The following SAFB variants were observed in gnomAD, a reference collection of about 807,000 sequenced individuals.
SAFB encodes the protein scaffold attachment factor B1.
Under a neutral mutation model 101.6 loss-of-function variants are expected in SAFB, and 15 were observed. The ratio of observed to expected loss-of-function variants is 0.15; its 90% confidence interval spans 0.10 to 0.23. The LOEUF (loss-of-function observed/expected upper bound fraction) is 0.23. SAFB is among the 10% of genes least tolerant of loss of function. SAFB has a pLI of 1.00. For synonymous variants in SAFB, 449 were observed against 407.5 expected, an observed-to-expected ratio of 1.10 and a Z score of -1.23; for missense variants, 930 against 1,104.1, an observed-to-expected ratio of 0.84 and a Z score of 2.23.
At chr19:5,645,871 T>TTTTG (rs2053817825) in intron 5 of SAFB, among the ~76,000 whole-genome samples, 1 of 150,418 alleles carries the variant, frequency 6.6e-6, no homozygotes, top group Non-Finnish European at 1.5e-5. Flanking sequence ...GGGAAGTTTT[T>TTTTG]TTTGTTTTGT....
chr19:5,666,985 C>A, intron 17 of SAFB, 61 bp from the exon 18 acceptor site: 1 of 1,022,218 alleles, frequency 9.8e-7, no homozygotes, highest in Non-Finnish European at 1.6e-6. Context: ...GCCTGAAAAG[C>A]CTTGGGGTCT....
At chr19:5,661,938 G>A in intron 15 of SAFB, 130 bp downstream of exon 15, 1 of 705,302 alleles carries the variant, frequency 1.4e-6, no homozygotes, top group Non-Finnish European at 2.3e-6. Flanking sequence ...AGGCTGGAGT[G>A]CAGTGACCCG....
intron 4 of SAFB, 138 bp from the exon 5 acceptor site, chr19:5,645,199 G>A: frequency 1.8e-6 from 1 of 543,392 alleles, no homozygotes; most frequent in Non-Finnish European, 3.3e-6. Flanking sequence ...TACTATAATA[G>A]TGTTTTGATT....
rs1466226999 is a variant in SAFB, at chr19:5,660,473, C to G, written c.1863-1045C>G. 2.0e-5 allele frequency among the ~76,000 whole-genome samples: 3 copies of G among 149,772 alleles called. No homozygotes were observed. In the Admixed American group the frequency reaches 2.0e-4, roughly 10 times the overall value. On this transcript the variant is annotated intron_variant, in intron 14 of 20. Transcript: ENST00000588852. ...TTTCAAGTGATTGATCCTCCCACCTCTGCCTCCCAAGTAGCTACCACGCCT... is the reference window on the plus strand; with the variant it reads ...TTTCAAGTGATTGATCCTCCCACCTGTGCCTCCCAAGTAGCTACCACGCCT...
chr19:5,636,762 G>A (rs1465104472), intron 2 of SAFB, among the ~76,000 whole-genome samples: 1 of 151,850 alleles, frequency 6.6e-6, no homozygotes, highest in Non-Finnish European at 1.5e-5. Context: ...CAGGCTGAGT[G>A]CAGTGGCACA....
intron 2 of SAFB, among the ~76,000 whole-genome samples, chr19:5,639,523 T>G (rs974352144): frequency 6.6e-6 from 1 of 151,768 alleles, no homozygotes; most frequent in African/African-American, 2.4e-5. Context: ...TGAAACCCCA[T>G]CTCTACTAAA....
At chr19:5,646,855 A>G (rs1172627228) in intron 5 of SAFB, among the ~76,000 whole-genome samples, 1 of 152,196 alleles carries the variant, frequency 6.6e-6, no homozygotes, top group Non-Finnish European at 1.5e-5. Flanking sequence ...CTGATGGTTA[A>G]CAGTGCAGAC....
chr19:5,627,727 G>A (rs1220412988), intron 2 of SAFB, among the ~76,000 whole-genome samples: 1 of 152,002 alleles, frequency 6.6e-6, no homozygotes, highest in Non-Finnish European at 1.5e-5. Flanking sequence ...CCATCTGTCT[G>A]CCTTAGAGAC....
intron 13 of SAFB, among the ~76,000 whole-genome samples, chr19:5,656,834 G>C (rs1042436314): frequency 2.0e-5 from 3 of 151,814 alleles, no homozygotes; most frequent in South Asian, 2.1e-4. Flanking sequence ...CGAGTGGCTC[G>C]ATCTTGGCTC....
chr19:5,641,903 A>T lies in SAFB; in HGVS notation c.503A>T (p.Glu168Val). Residue 168 changes from glutamate to valine, a missense_variant, in exon 4 of 21, where the codon GAG (glutamate) becomes GTG (valine). Coordinates refer to ENST00000588852, the MANE Select transcript of SAFB (RefSeq NM_001201338.2). Reference sequence around the variant, plus strand: ...CTGTCGGATAGTAGAGAGCTAGTCGAGGGGGAAATGAAAGAGCTTCCGGAG... The same window carrying T: ...CTGTCGGATAGTAGAGAGCTAGTCGTGGGGGAAATGAAAGAGCTTCCGGAG... ...ESLSDSRELVEGEMKELPEQL... is the reference protein window; with the variant it reads ...ESLSDSRELVVGEMKELPEQL... The T allele has an allele frequency of 1.2e-6, 2 of 1,614,176 alleles. No individual in the cohort carries two copies. The highest frequency in any genetic ancestry group is 2.2e-5 in the South Asian group (2 of 91,078).
chr19:5,654,219 C>T lies in SAFB; in HGVS notation c.1666+19C>T. 6.2e-7 allele frequency: 1 copy of T among 1,613,694 alleles called. No individual in the cohort carries two copies. The highest frequency in any genetic ancestry group is 8.5e-7 in the Non-Finnish European group (1 of 1,179,736). On this transcript the variant is annotated intron_variant, in intron 12 of 20. Transcript: ENST00000588852. The stretch of plus-strand genomic sequence containing the variant: ...AAGTCAGGTGGGCAGCTCATGAGCC[C>T]AGGAGATTCTGTCTTGTTTCTGTGC...
At position 5,623,139 on chromosome 19, in the gene SAFB, G is replaced by A; in HGVS notation, c.-67G>A. On this transcript the variant is annotated 5_prime_UTR_variant, in exon 1 of 21. The change creates a new upstream start codon in the 5' untranslated region. Coordinates refer to ENST00000588852, the MANE Select transcript of SAFB (RefSeq NM_001201338.2). ...GTTCCCTCGCAGGCGGCGCCATTTTGTGCTAGGAGCCTGATAAAACCGGCC... is the reference window on the plus strand; with the variant it reads ...GTTCCCTCGCAGGCGGCGCCATTTTATGCTAGGAGCCTGATAAAACCGGCC... The A allele has an allele frequency of 3.6e-5, 53 of 1,487,892 alleles. No individual in the cohort carries two copies. The highest frequency in any genetic ancestry group is 4.7e-5 in the Non-Finnish European group (52 of 1,096,870). 92.2% of individuals were successfully genotyped at this position (1,487,892 alleles called of 1,614,324 possible). A position where few individuals can be genotyped will look rare whatever the true frequency, so the allele number is the denominator to read the frequency against.
intron 2 of SAFB, among the ~76,000 whole-genome samples, chr19:5,630,857 A>T (rs886519737): frequency 9.9e-5 from 15 of 152,244 alleles, no homozygotes; most frequent in Admixed American, 7.2e-4. Flanking sequence ...TTAATTTAGA[A>T]TGTATTTTGC....
At chr19:5,666,956 T>C in intron 17 of SAFB, 90 bp from the exon 18 acceptor site, 1 of 829,130 alleles carries the variant, frequency 1.2e-6, no homozygotes, top group Non-Finnish European at 2.2e-6. Flanking sequence ...GTGACTGTCG[T>C]TGTCATCGTT....
chr19:5,642,558 C>T (rs530288962), intron 4 of SAFB, among the ~76,000 whole-genome samples: 15 of 150,532 alleles, frequency 1.0e-4, no homozygotes, highest in African/African-American at 3.7e-4. Flanking sequence ...AAATTTTTTT[C>T]CTGTTAGAAA....
chr19:5,662,642 C>G (rs2054239933), intron 15 of SAFB, among the ~76,000 whole-genome samples: 1 of 148,350 alleles, frequency 6.7e-6, no homozygotes. Flanking sequence ...AAGGCCCTTT[C>G]CTTTTTTTTT....
At chr19:5,647,875 A>G (rs2053857879) in intron 5 of SAFB, 141 bp from the exon 6 acceptor site, 7 of 756,688 alleles carry the variant, frequency 9.3e-6, no homozygotes, top group Admixed American at 2.1e-5. Context: ...TCCTAGAACA[A>G]GCAGGTTCTC....
intron 2 of SAFB, among the ~76,000 whole-genome samples, chr19:5,629,833 G>A (rs560282254): frequency 1.8e-4 from 27 of 152,176 alleles, no homozygotes; most frequent in Admixed American, 9.8e-4. Flanking sequence ...TGAGGTGGGC[G>A]GATCAAAAGA....
Position 5,657,366 on chromosome 19 carries a change from A to C in SAFB, c.1862+19A>C. On this transcript the variant is annotated intron_variant, in intron 14 of 20. Transcript: ENST00000588852. ...CCCATAGGTGAGTAGGGATCCAGGA[A>C]CGGTTTGGTGTTTTTCCTAGAATGT... is the stretch of plus-strand genomic sequence containing the variant. The C allele has an allele frequency of 6.5e-7, 1 of 1,535,478 alleles. No homozygotes were observed. The highest frequency in any genetic ancestry group is 9.0e-7 in the Non-Finnish European group (1 of 1,110,064).
Sources: allele counts gnomAD v4.1 joint callset (sites outside exome capture counted in the v4.1 genomes callset), GRCh38; gene constraint gnomAD v4.1.1; transcripts MANE v1.5; gene names NCBI Gene and HGNC (gene_info 2026-07-23, HGNC 2026-07-21).